KDM6A: variants seen among roughly 807,000 people sequenced by gnomAD.
The protein encoded by KDM6A is lysine demethylase 6A.
A neutral mutation model predicts 117.6 loss-of-function variants in KDM6A; 11 were observed. That is an observed-to-expected ratio of 0.09 (90% CI 0.06 to 0.15). The LOEUF is 0.15. Among genes scored for constraint, KDM6A ranks in the 10% least tolerant of loss-of-function variants. KDM6A has a pLI of 1.00. For synonymous variants in KDM6A, 384 were observed against 396.1 expected (o/e 0.97, Z 0.36); for missense variants, 799 against 1,077.3 (o/e 0.74, Z 3.62).
chrX:45,034,708 T>C (rs1031808300), intron 6 of KDM6A, among the ~76,000 whole-genome samples: 2 of 112,296 alleles, frequency 1.8e-5, no homozygotes, highest in African/African-American at 6.5e-5. Context: ...ATTAATTCTT[T>C]TTCAAATTCT....
Position 44,873,411 on chromosome X carries a change from T to G in KDM6A, c.-141T>G. On this transcript the variant is annotated 5_prime_UTR_variant, in exon 1 of 30. Coordinates refer to ENST00000611820, the MANE Select transcript of KDM6A (RefSeq NM_001291415.2). ...CCTTCACCGCCGCCGCGTTGGGATT[T>G]TTCGTCGCCGCCGCCCGCGGCGGAG... is the stretch of plus-strand genomic sequence containing the variant. 1.1e-6 allele frequency: 1 copy of G among 892,290 alleles called. No homozygotes were observed. Among genetic ancestry groups the G allele is most frequent in the Non-Finnish European group, 1.5e-6 (1 of 647,376 alleles). The allele number at this position is 892,290 out of a possible 1,213,427, so 73.5% of individuals were successfully genotyped here. A position where few individuals can be genotyped will look rare whatever the true frequency, so the allele number is the denominator to read the frequency against.
At chrX:45,056,980 T>C (rs928152804) in intron 10 of KDM6A, among the ~76,000 whole-genome samples, 1 of 111,605 alleles carries the variant, frequency 9.0e-6, no homozygotes, top group African/African-American at 3.2e-5. Flanking sequence ...TCTCTTCTTA[T>C]GAATTTTTCC....
intron 2 of KDM6A, among the ~76,000 whole-genome samples, chrX:44,889,933 C>T (rs1036430940): frequency 3.6e-5 from 4 of 111,949 alleles, no homozygotes. Context: ...ACCCAGTTTC[C>T]CCCAACTGTA....
intron 8 of KDM6A, among the ~76,000 whole-genome samples, chrX:45,051,378 G>A (rs768145026): frequency 1.7e-4 from 19 of 111,567 alleles, no homozygotes; most frequent in African/African-American, 5.9e-4. Context: ...GCACTTGGAG[G>A]TAGAATACGT....
At chrX:44,938,001 G>A (rs762990832) in intron 2 of KDM6A, among the ~76,000 whole-genome samples, 2 of 110,074 alleles carry the variant, frequency 1.8e-5, no homozygotes, top group East Asian at 2.9e-4. Flanking sequence ...AAAGACACAG[G>A]GTCTCACTTT....
intron 4 of KDM6A, among the ~76,000 whole-genome samples, chrX:44,980,327 G>A (rs966800408): frequency 6.3e-5 from 7 of 111,275 alleles, no homozygotes; most frequent in African/African-American, 2.3e-4. Context: ...TTTCAAAATT[G>A]CTTTGGTTTT....
intron 2 of KDM6A, among the ~76,000 whole-genome samples, chrX:44,879,022 A>G (rs1202317899): frequency 1.8e-5 from 2 of 111,563 alleles, no homozygotes; most frequent in Non-Finnish European, 3.8e-5. Context: ...GCACCTGGCC[A>G]ATATCTTAAG....
intron 2 of KDM6A, among the ~76,000 whole-genome samples, chrX:44,921,987 C>T (rs907658778): frequency 6.8e-5 from 5 of 73,232 alleles, no homozygotes; most frequent in African/African-American, 2.1e-4. Flanking sequence ...TAATTTTAGT[C>T]ATTCTGATAA....
In KDM6A at chrX:44,983,685, T is replaced by C. The variant is rs1210434752; in HGVS notation, c.384+8970T>C. ...GGTGTTTGGTTTTTTGTCCTTAAGA[T>C]AGTTTGCTGAGAATGATGGTTTCCA... On this transcript the variant is annotated intron_variant, in intron 4 of 29. Coordinates refer to ENST00000611820, the MANE Select transcript of KDM6A (RefSeq NM_001291415.2). Among the ~76,000 whole-genome samples the C allele has an allele frequency of 2.8e-5, 3 of 108,877 alleles. No individual in the cohort carries two copies. In the Admixed American group the frequency reaches 3.0e-4, roughly 11 times the overall value. 94.5% of individuals were successfully genotyped at this position (108,877 alleles called of 115,157 possible). A position where few individuals can be genotyped will look rare whatever the true frequency, so the allele number is the denominator to read the frequency against.
intron 4 of KDM6A, among the ~76,000 whole-genome samples, chrX:45,005,960 C>G (rs866213436): frequency 6.4e-5 from 3 of 47,082 alleles, no homozygotes; most frequent in African/African-American, 3.3e-4. Flanking sequence ...CTCACCCCCC[C>G]ACCCCCCCAC....
chrX:45,103,882 A>G (rs927533973), intron 27 of KDM6A, among the ~76,000 whole-genome samples: 7 of 112,335 alleles, frequency 6.2e-5, no homozygotes, highest in Admixed American at 2.8e-4. Flanking sequence ...TTAAACGTCA[A>G]AGAATTTCCT....
In KDM6A at chrX:45,031,642, C is replaced by T. The variant is rs765625664; in HGVS notation, c.565-3289C>T. Among the ~76,000 whole-genome samples the T allele has an allele frequency of 5.4e-5, 6 of 111,662 alleles. No homozygotes were observed. In the South Asian group the frequency reaches 2.2e-3, roughly 41 times the overall value. ...CAAATTAATAACTTATAACCAAATA[C>T]ATAATTTGTCAATTGCAAAAAGTTA... is the stretch of plus-strand genomic sequence containing the variant. On this transcript the variant is annotated intron_variant, in intron 6 of 29. Transcript: ENST00000611820.
chrX:44,936,812 G>C (rs1781268438), intron 2 of KDM6A, among the ~76,000 whole-genome samples: 1 of 111,911 alleles, frequency 8.9e-6, no homozygotes, highest in Admixed American at 9.5e-5. Flanking sequence ...CCATCAAGAG[G>C]CCAGGTGTGG....
At position 45,042,308 on chromosome X, in the gene KDM6A, A is replaced by G. The variant is rs189015150; in HGVS notation, c.654+4619A>G. 4.3e-3 allele frequency among the ~76,000 whole-genome samples: 363 copies of G among 84,211 alleles called. 24 individuals are homozygous for G. In the East Asian group the frequency reaches 0.072, roughly 17 times the overall value. The allele number at this position is 84,211 out of a possible 115,157, so 73.1% of individuals were successfully genotyped here. ...AGGGGAGAGGGGAGAGGGGAGAGGG[A>G]GAGTCATTTGATAAATTTTAATACT... On this transcript the variant is annotated intron_variant, in intron 8 of 29. Coordinates refer to ENST00000611820, the MANE Select transcript of KDM6A (RefSeq NM_001291415.2).
chrX:45,016,958 GTT>G (rs1201176107), intron 5 of KDM6A, among the ~76,000 whole-genome samples: 2 of 111,458 alleles, frequency 1.8e-5, no homozygotes. Context: ...ACATGTATAT[GTT>G]TTTTGTAGGT....
At chrX:44,890,762 T>G (rs2033289082) in intron 2 of KDM6A, among the ~76,000 whole-genome samples, 1 of 104,858 alleles carries the variant, frequency 9.5e-6, no homozygotes, top group Non-Finnish European at 2.0e-5. Context: ...TTAAGTGATT[T>G]TCCTGCCTCT....
In KDM6A at chrX:44,891,720, G is replaced by A. The variant is rs2033379715; in HGVS notation, c.225+17733G>A. ...GAGGCAGGGTCATTTATAACCTGAC[G>A]CGTCCACCCTACTGCCGTGTCCAGT... On this transcript the variant is annotated intron_variant, in intron 2 of 29. Coordinates refer to ENST00000611820, the MANE Select transcript of KDM6A (RefSeq NM_001291415.2). 2.7e-5 allele frequency among the ~76,000 whole-genome samples: 3 copies of A among 111,825 alleles called. No homozygotes were observed. The Admixed American group carries it at 2.9e-4, about 11-fold the overall frequency.
chrX:44,911,790 C>T (rs895054912), intron 2 of KDM6A, among the ~76,000 whole-genome samples: 1 of 111,925 alleles, frequency 8.9e-6, no homozygotes, highest in African/African-American at 3.2e-5. Flanking sequence ...CTCGGGAGGC[C>T]GAGGCTGGCA....
At chrX:45,006,153 C>T (rs1034104739) in intron 4 of KDM6A, among the ~76,000 whole-genome samples, 1 of 86,571 alleles carries the variant, frequency 1.2e-5, no homozygotes, top group Non-Finnish European at 2.3e-5. Context: ...CCAGTCCCCC[C>T]CAGCCCTGCG....
Sources: gnomAD v4.1 joint callset for allele counts (sites outside exome capture counted in the v4.1 genomes callset) on GRCh38, gnomAD v4.1.1 for gene constraint, MANE v1.5 for transcripts, NCBI Gene and HGNC (gene_info 2026-07-23, HGNC 2026-07-21) for gene names.